The following MAPDA variants were observed in gnomAD, a reference collection of about 807,000 sequenced individuals.
The protein encoded by MAPDA is N6,N6-dimethyl-AMP deaminase.
chr15:43,337,361 T>A, the MAPDA span, among the ~76,000 whole-genome samples: 1 of 151,926 alleles, frequency 6.6e-6, no homozygotes, highest in African/African-American at 2.4e-5. Context: ...CATAGGAGAC[T>A]TACTGTATGG....
chr15:43,340,838 CT>C, the MAPDA span, among the ~76,000 whole-genome samples: 1 of 152,216 alleles, frequency 6.6e-6, no homozygotes, highest in East Asian at 1.9e-4. Context: ...AGGATACCTG[CT>C]CCTTATGTTT....
chr15:43,353,895 C>T, the MAPDA span: 1 of 152,252 alleles, frequency 6.6e-6, no homozygotes, highest in East Asian at 1.9e-4. Context: ...ACCAGTGAAC[C>T]TAAGTGTTTC....
chr15:43,335,967 C>A, the MAPDA span: 1 of 1,001,408 alleles, frequency 1.0e-6, no homozygotes, highest in Non-Finnish European at 1.4e-6. Flanking sequence ...TAACATACAA[C>A]ATTTTTTTCC....
the MAPDA span, among the ~76,000 whole-genome samples, chr15:43,331,626 TAAGAA>T: frequency 6.6e-6 from 1 of 152,066 alleles, no homozygotes; most frequent in African/African-American, 2.4e-5. Context: ...CAAAATGAAA[TAAGAA>T]AGAAAAGGTT....
the MAPDA span, among the ~76,000 whole-genome samples, chr15:43,337,207 T>C: frequency 0.48 from 68,505 of 142,332 alleles, 19,603 homozygotes; most frequent in African/African-American, 0.82. Context: ...ACCCGGGAGG[T>C]GGAGCTTGCG....
chr15:43,350,154 A>G, the MAPDA span, among the ~76,000 whole-genome samples: 2 of 151,952 alleles, frequency 1.3e-5, no homozygotes, highest in Non-Finnish European at 2.9e-5. Flanking sequence ...CAAGCTCCAC[A>G]TCCTGGGTTC....
the MAPDA span, chr15:43,348,799 G>A: frequency 1.8e-6 from 2 of 1,141,390 alleles, no homozygotes; most frequent in Non-Finnish European, 2.4e-6. Flanking sequence ...TTTCCAAAAG[G>A]TCTGCATTAA....
At chr15:43,350,527 C>G in the MAPDA span, among the ~76,000 whole-genome samples, 1 of 152,162 alleles carries the variant, frequency 6.6e-6, no homozygotes, top group African/African-American at 2.4e-5. Context: ...GCTCTCACAC[C>G]TGGTGCTACA....
chr15:43,352,622 C>A, the MAPDA span: 28 of 152,330 alleles, frequency 1.8e-4, no homozygotes, highest in African/African-American at 6.3e-4. Flanking sequence ...TGGGAGGAGA[C>A]CTGATCCCAG....
the MAPDA span, chr15:43,352,235 C>G: frequency 7.1e-6 from 2 of 280,738 alleles, no homozygotes; most frequent in Non-Finnish European, 6.6e-6. Context: ...CATAAAATTT[C>G]AGGGAAATCG....
At chr15:43,330,592 C>T in the MAPDA span, 2 of 1,324,500 alleles carry the variant, frequency 1.5e-6, no homozygotes, top group Non-Finnish European at 2.0e-6. Flanking sequence ...ACCACCCATG[C>T]TCCTGGACTT....
chr15:43,347,357 T>C, the MAPDA span, among the ~76,000 whole-genome samples: 1 of 152,214 alleles, frequency 6.6e-6, no homozygotes, highest in African/African-American at 2.4e-5. Context: ...GACGTCTTGC[T>C]AGAGAAAATG....
the MAPDA span, chr15:43,347,186 GA>G: frequency 2.8e-6 from 3 of 1,065,678 alleles, no homozygotes; most frequent in Non-Finnish European, 4.1e-6. Context: ...ACCGGGATTG[GA>G]AAAACATTTT....
chr15:43,335,144 G>A, the MAPDA span: 31 of 1,613,794 alleles, frequency 1.9e-5, no homozygotes, highest in Non-Finnish European at 2.5e-5. Flanking sequence ...TTGCAAGACA[G>A]ACTTCTATTC....
the MAPDA span, among the ~76,000 whole-genome samples, chr15:43,338,423 A>G: frequency 6.6e-6 from 1 of 152,214 alleles, no homozygotes; most frequent in Non-Finnish European, 1.5e-5. Context: ...TCTTAGGACT[A>G]CTTTCAGAAG....
the MAPDA span, chr15:43,330,636 G>C: frequency 1.1e-6 from 1 of 948,934 alleles, no homozygotes; most frequent in African/African-American, 1.7e-5. Context: ...TCACTTCCGG[G>C]AAGAGCGCAT....
At chr15:43,330,498 G>T in the MAPDA span, 2 of 1,515,474 alleles carry the variant, frequency 1.3e-6, no homozygotes, top group South Asian at 1.3e-5. Flanking sequence ...ATGGCCAGAA[G>T]AGACTCAGGA....
the MAPDA span, chr15:43,340,253 C>T: frequency 6.2e-7 from 1 of 1,612,580 alleles, no homozygotes; most frequent in Non-Finnish European, 8.5e-7. Flanking sequence ...TGTACGTTAT[C>T]TTTATTATCA....
At chr15:43,337,513 G>A in the MAPDA span, among the ~76,000 whole-genome samples, 1 of 152,218 alleles carries the variant, frequency 6.6e-6, no homozygotes, top group African/African-American at 2.4e-5. Flanking sequence ...ACTAGAGTCT[G>A]ACATGGAAGA....
Sources: allele counts gnomAD v4.1 joint callset (sites outside exome capture counted in the v4.1 genomes callset), GRCh38; gene constraint gnomAD v4.1.1; transcripts MANE v1.5; gene names NCBI Gene and HGNC (gene_info 2026-07-23, HGNC 2026-07-21).